The following ZBTB5 variants were observed in gnomAD, a reference collection of about 807,000 sequenced individuals.
ZBTB5 encodes the protein zinc finger and BTB domain-containing protein 5.
Under a neutral mutation model 37.9 loss-of-function variants are expected in ZBTB5, and 15 were observed. The ratio of observed to expected loss-of-function variants is 0.40; its 90% CI spans 0.26 to 0.61. The LOEUF (loss-of-function observed/expected upper bound fraction) is 0.61, where lower values mean the gene tolerates loss of function less well. ZBTB5 is among the 20% of genes least tolerant of loss of function. The pLI is 0.47. For synonymous variants in ZBTB5, 315 were observed against 312.4 expected (o/e 1.01, Z -0.09); for missense variants, 708 against 856.8 (o/e 0.83, Z 2.17).
intron 1 of ZBTB5, among the ~76,000 whole-genome samples, chr9:37,463,302 A>C (rs1167819278): frequency 6.6e-6 from 1 of 152,220 alleles, no homozygotes. Flanking sequence ...TGCTACACTA[A>C]CAAAACTGGC....
intron 1 of ZBTB5, among the ~76,000 whole-genome samples, chr9:37,446,643 C>T (rs1279402651): frequency 6.6e-6 from 1 of 152,164 alleles, no homozygotes; most frequent in African/African-American, 2.4e-5. Flanking sequence ...CTTGCTTTAC[C>T]AAGCTTTCCG....
Position 37,441,895 on chromosome 9 carries a change from C to T in ZBTB5, c.657G>A (p.Pro219=), listed in dbSNP as rs541550230. The T allele has an allele frequency of 8.4e-5, 136 of 1,614,128 alleles. No homozygotes were observed. Among genetic ancestry groups the T allele is most frequent in the Non-Finnish European group, 1.1e-4 (129 of 1,180,034 alleles). Reference sequence around the variant, plus strand: ...AATGAACCCCTGAAGGCCCATTCTCCGGTGTAACATCTGAAATGGCAGACT... The same window carrying T: ...AATGAACCCCTGAAGGCCCATTCTCTGGTGTAACATCTGAAATGGCAGACT... The part of the protein sequence containing the change: ...IDESAISDVT[P]ENGPSGVHSR... Residue 219 remains proline, a synonymous_variant, in exon 2 of 2, where the codon CCG becomes CCA. Transcript: ENST00000307750.
rs1824113630 is a variant in ZBTB5, at chr9:37,452,035, C to G, written c.-4-9480G>C. Among the ~76,000 whole-genome samples, 4 of 152,230 alleles carry G rather than the reference C, an allele frequency of 2.6e-5. No homozygotes were observed. In the South Asian group the frequency reaches 8.3e-4, roughly 32 times the overall value. On this transcript the variant is annotated intron_variant, in intron 1 of 1. Coordinates refer to ENST00000307750, the MANE Select transcript of ZBTB5 (RefSeq NM_014872.3). ...GGTAATATTTAGAATCCCAACCCCT[C>G]TCATTCTAACTTGGTGGCTGGTGGC...
intron 1 of ZBTB5, among the ~76,000 whole-genome samples, chr9:37,462,849 C>A (rs1824319715): frequency 1.3e-5 from 2 of 152,112 alleles, no homozygotes; most frequent in South Asian, 2.1e-4. Flanking sequence ...CAGGCGTGAG[C>A]CACCACACCC....
chr9:37,455,531 G>A (rs1224291970), intron 1 of ZBTB5, among the ~76,000 whole-genome samples: 1 of 152,176 alleles, frequency 6.6e-6, no homozygotes, highest in African/African-American at 2.4e-5. Context: ...TGCCCAATGG[G>A]GCTTCGGGAG....
At chr9:37,454,075 C>T (rs957959177) in intron 1 of ZBTB5, among the ~76,000 whole-genome samples, 1 of 152,178 alleles carries the variant, frequency 6.6e-6, no homozygotes, top group Non-Finnish European at 1.5e-5. Context: ...GCCACACAGT[C>T]AAACATGAAG....
At chr9:37,457,981 A>C (rs1022371890) in intron 1 of ZBTB5, among the ~76,000 whole-genome samples, 1 of 152,222 alleles carries the variant, frequency 6.6e-6, no homozygotes, top group East Asian at 1.9e-4. Context: ...CACTTTTGAG[A>C]TTACTTTCTT....
intron 1 of ZBTB5, among the ~76,000 whole-genome samples, chr9:37,463,886 C>T (rs1824339365): frequency 6.6e-6 from 1 of 152,174 alleles, no homozygotes; most frequent in Non-Finnish European, 1.5e-5. Flanking sequence ...CAGCAAAACC[C>T]AAGGGCCCAA....
Position 37,460,439 on chromosome 9 carries a change from C to G in ZBTB5, c.-5+4776G>C, listed in dbSNP as rs146427903. ...TGGGCAATAAGAGTGAACACTCCCC[C>G]CCCAAAAAAATTAGGCCAGATGCGG... On this transcript the variant is annotated intron_variant, in intron 1 of 1. Transcript: ENST00000307750. Among the ~76,000 whole-genome samples, 1,355 of 151,760 alleles carry G rather than the reference C, an allele frequency of 8.9e-3. 24 individuals carry two copies. The highest frequency in any genetic ancestry group is 0.031 in the African/African-American group (1,287 of 41,404).
chr9:37,454,442 A>G (rs1370875215), intron 1 of ZBTB5, among the ~76,000 whole-genome samples: 14 of 152,182 alleles, frequency 9.2e-5, no homozygotes, highest in Non-Finnish European at 7.3e-5. Flanking sequence ...GCTGGAGGAG[A>G]GTGTGGCAAG....
intron 1 of ZBTB5, among the ~76,000 whole-genome samples, chr9:37,443,479 G>A (rs1322190848): frequency 3.3e-5 from 5 of 152,148 alleles, no homozygotes; most frequent in East Asian, 1.9e-4. Flanking sequence ...CCCCAAAAGC[G>A]AAAATCCTAA....
Position 37,438,855 on chromosome 9 carries a change from G to C in ZBTB5, c.*1663C>G, listed in dbSNP as rs927247505. ...CCACATCTACTCGAAAGGAATCGTGGGTTTCCCTTTGGGCTTTTCTTCCTG... is the reference window on the plus strand; with the variant it reads ...CCACATCTACTCGAAAGGAATCGTGCGTTTCCCTTTGGGCTTTTCTTCCTG... On this transcript the variant is annotated 3_prime_UTR_variant, in exon 2 of 2. Transcript: ENST00000307750. The C allele has an allele frequency of 1.3e-5, 2 of 152,192 alleles. No homozygotes were observed. Among genetic ancestry groups the C allele is most frequent in the Non-Finnish European group, 2.9e-5 (2 of 68,046 alleles). The allele number at this position is 152,192 out of a possible 1,614,324, so 9.4% of individuals were successfully genotyped here. A position where few individuals can be genotyped will look rare whatever the true frequency, so the allele number is the denominator to read the frequency against.
chr9:37,465,446 G>A lies in ZBTB5; in HGVS notation c.-236C>T, dbSNP rs76140612. On this transcript the variant is annotated 5_prime_UTR_variant, in exon 1 of 2. Transcript: ENST00000307750. ...CGGCGGCGCCCGAGGATAAGCGGAA[G>A]TGACGTAATGCAAGAGCGCCTACTC... The A allele has an allele frequency of 2.6e-5, 4 of 151,558 alleles. No individual in the cohort carries two copies. Among genetic ancestry groups the A allele is most frequent in the Non-Finnish European group, 4.4e-5 (3 of 67,992 alleles). The allele number at this position is 151,558 out of a possible 1,614,324, so 9.4% of individuals were successfully genotyped here.
In ZBTB5 at chr9:37,451,181, C is replaced by CA. The variant is rs1443564466; in HGVS notation, c.-4-8627dup. 7.6e-5 allele frequency among the ~76,000 whole-genome samples: 11 copies of CA among 145,580 alleles called. 1 individual carries two copies. Among genetic ancestry groups the CA allele is most frequent in the South Asian group, 2.2e-4 (1 of 4,566 alleles). On this transcript the variant is annotated intron_variant, in intron 1 of 1. Coordinates refer to ENST00000307750, the MANE Select transcript of ZBTB5 (RefSeq NM_014872.3). ...GGGTGACAGAGTGAGACCCTATCTC[C>CA]AAAAAAAAATTTAAAAAGAAAAGAA...
rs1823770781 is a variant in ZBTB5, at chr9:37,438,475, T to G, written c.*2043A>C. The G allele has an allele frequency of 6.6e-6, 1 of 152,440 alleles. No homozygotes were observed. The highest frequency in any genetic ancestry group is 1.5e-5 in the Non-Finnish European group (1 of 68,064). 9.4% of individuals were successfully genotyped at this position (152,440 alleles called of 1,614,324 possible). ...AGAGATTCCAGGTTCCATCTAGCAG[T>G]GGAGAGGCAGGGCTCCAGCATGTAT... is the stretch of plus-strand genomic sequence containing the variant. On this transcript the variant is annotated 3_prime_UTR_variant, in exon 2 of 2. Coordinates refer to ENST00000307750, the MANE Select transcript of ZBTB5 (RefSeq NM_014872.3).
rs1048091629 is a variant in ZBTB5 at position 37,439,031 on chromosome 9, A to G, written c.*1487T>C. The G allele has an allele frequency of 2.0e-5, 3 of 152,246 alleles. No individual in the cohort carries two copies. Among genetic ancestry groups the G allele is most frequent in the Admixed American group, 1.3e-4 (2 of 15,290 alleles). The allele number at this position is 152,246 out of a possible 1,614,324, so 9.4% of individuals were successfully genotyped here. A position where few individuals can be genotyped will look rare whatever the true frequency, so the allele number is the denominator to read the frequency against. ...AGCTTTCTAAACACAAAAACTGAAT[A>G]ATTTATCTGATTTATGAATGATGGT... On this transcript the variant is annotated 3_prime_UTR_variant, in exon 2 of 2. Coordinates refer to ENST00000307750, the MANE Select transcript of ZBTB5 (RefSeq NM_014872.3).
At position 37,440,517 on chromosome 9, in the gene ZBTB5, G is replaced by A. The variant is rs769202485; in HGVS notation, c.*1C>T. 1.2e-6 allele frequency: 2 copies of A among 1,613,348 alleles called. No homozygotes were observed. The highest frequency in any genetic ancestry group is 1.7e-6 in the Non-Finnish European group (2 of 1,179,438). ...CAGCGTTGTCTTGTAAGGACAAACA[G>A]CTAGAGCAAAGTGCTGGGAAGATTG... On this transcript the variant is annotated 3_prime_UTR_variant, in exon 2 of 2. Transcript: ENST00000307750.
At chr9:37,451,721 A>T (rs1384312207) in intron 1 of ZBTB5, among the ~76,000 whole-genome samples, 1 of 152,106 alleles carries the variant, frequency 6.6e-6, no homozygotes, top group Admixed American at 6.5e-5. Context: ...TTATCCTTAA[A>T]AGAGTTTTTA....
intron 1 of ZBTB5, among the ~76,000 whole-genome samples, chr9:37,452,076 C>T (rs1824114196): frequency 6.6e-6 from 1 of 152,176 alleles, no homozygotes; most frequent in Non-Finnish European, 1.5e-5. Context: ...ATTTGTTTTA[C>T]AAGAACAGTT....
Sources: gnomAD v4.1 joint callset for allele counts (sites outside exome capture counted in the v4.1 genomes callset) on GRCh38, gnomAD v4.1.1 for gene constraint, MANE v1.5 for transcripts, NCBI Gene and HGNC (gene_info 2026-07-23, HGNC 2026-07-21) for gene names.